Variants in SRGAP2 observed in about 807,000 individuals in gnomAD.
SRGAP2 encodes the protein SLIT-ROBO Rho GTPase activating protein 2.
Under a neutral mutation model 57.2 loss-of-function variants are expected in SRGAP2, and 15 were observed. The observed-to-expected ratio is 0.26, with a 90% CI of 0.18 to 0.40. SRGAP2 has a LOEUF of 0.40. SRGAP2 is among the 10% of genes least tolerant of loss of function. The pLI, the probability that SRGAP2 is intolerant of heterozygous loss-of-function variation, is 1.00. For synonymous variants in SRGAP2, 249 were observed against 248.0 expected (o/e 1.00, Z -0.04); for missense variants, 520 against 669.6 (o/e 0.78, Z 2.47).
At chr1:206,216,661 A>G (rs1207567099) in intron 2 of SRGAP2, among the ~76,000 whole-genome samples, 15 of 151,064 alleles carry the variant, frequency 9.9e-5, no homozygotes, top group East Asian at 9.7e-4. Flanking sequence ...GACCTTATTT[A>G]TACGTTGTGA....
intron 3 of SRGAP2, 117 bp downstream of exon 3, chr1:206,303,590 G>A (rs1178683670): frequency 3.0e-6 from 2 of 673,146 alleles, no homozygotes; most frequent in African/African-American, 1.8e-5. Flanking sequence ...CTTCAGATTG[G>A]TTGAAAGCCC....
At chr1:206,323,473 G>A (rs1273841333) in intron 3 of SRGAP2, among the ~76,000 whole-genome samples, 8 of 148,108 alleles carry the variant, frequency 5.4e-5, no homozygotes, top group African/African-American at 9.9e-5. Flanking sequence ...GCCATCTTAT[G>A]GATTGAGACC....
rs1657513888 is a variant in SRGAP2 at position 206,395,674 on chromosome 1, CCCTA to C, written c.831+2005_831+2008del. Among the ~76,000 whole-genome samples, 3 of 151,732 alleles carry C rather than the reference CCCTA, an allele frequency of 2.0e-5. No homozygotes were observed. In the South Asian group the frequency reaches 6.3e-4, roughly 32 times the overall value. On this transcript the variant is annotated intron_variant, in intron 7 of 22. Coordinates refer to ENST00000573034, the MANE Select transcript of SRGAP2 (RefSeq NM_015326.5). ...TCTTTTTTTGTACTCAAGGCAACTT[CCCTA>C]CCTTTTTCACCGAAATACTGATCTC...
intron 2 of SRGAP2, among the ~76,000 whole-genome samples, chr1:206,291,074 G>A (rs1159893567): frequency 3.3e-5 from 5 of 151,564 alleles, no homozygotes; most frequent in African/African-American, 1.2e-4. Context: ...TGAAGGTGAA[G>A]GAATTCGGGG....
intron 2 of SRGAP2, among the ~76,000 whole-genome samples, chr1:206,293,156 G>C (rs1671420985): frequency 6.6e-6 from 1 of 152,152 alleles, no homozygotes; most frequent in East Asian, 1.9e-4. Context: ...CTCTAAGAGA[G>C]TGGACATGTT....
intron 19 of SRGAP2, among the ~76,000 whole-genome samples, chr1:206,450,947 T>TA (rs371400613): frequency 6.3e-4 from 91 of 143,684 alleles, no homozygotes; most frequent in South Asian, 1.1e-3. Flanking sequence ...CCCTGTCTCT[T>TA]AAAAAAAAAA....
intron 2 of SRGAP2, among the ~76,000 whole-genome samples, chr1:206,236,325 A>G (rs1571638130): frequency 6.6e-6 from 1 of 152,248 alleles, no homozygotes; most frequent in Non-Finnish European, 1.5e-5. Flanking sequence ...ACCGAAATGT[A>G]TTAGACTGAC....
At chr1:206,402,517 G>T (rs1658286959) in intron 8 of SRGAP2, among the ~76,000 whole-genome samples, 2 of 152,278 alleles carry the variant, frequency 1.3e-5, no homozygotes, top group African/African-American at 4.8e-5. Context: ...GAAGGAGGTT[G>T]TATAGGGCTT....
chr1:206,450,285 G>A (rs1663148288), intron 18 of SRGAP2, 101 bp from the exon 19 acceptor site: 2 of 694,090 alleles, frequency 2.9e-6, no homozygotes, highest in African/African-American at 3.5e-5. Flanking sequence ...GAGAGCATAA[G>A]ATGGATTCAG....
intron 2 of SRGAP2, among the ~76,000 whole-genome samples, chr1:206,290,865 G>A (rs1396441081): frequency 1.3e-5 from 2 of 151,954 alleles, no homozygotes; most frequent in Non-Finnish European, 2.9e-5. Flanking sequence ...CTGGCATTTT[G>A]AGCCCAGGCA....
At chr1:206,357,677 G>A (rs1303562093) in intron 4 of SRGAP2, among the ~76,000 whole-genome samples, 2 of 146,908 alleles carry the variant, frequency 1.4e-5, no homozygotes, top group South Asian at 2.2e-4. Context: ...TCCGCCTCCC[G>A]GGTTCAAGTG....
In SRGAP2 at chr1:206,461,164, C is replaced by T. The variant is rs1553380504; in HGVS notation, c.2960C>T (p.Ala987Val). The T allele has an allele frequency of 1.3e-6, 1 of 780,560 alleles. No individual in the cohort carries two copies. 48.4% of individuals were successfully genotyped at this position (780,560 alleles called of 1,614,324 possible). ...CCCCTCAAAACCTCCCCAGTGGTGG[C>T]CCCCACGTCAGAGCCCTCCAGCCCT... is the stretch of plus-strand genomic sequence containing the variant. ...LEPLKTSPVV[A>V]PTSEPSSPLH... Residue 987 changes from alanine to valine, a missense_variant, in exon 23 of 23, where the codon GCC becomes GTC. Ala to Val is a moderately conservative substitution (Grantham distance 64). Coordinates refer to ENST00000573034, the MANE Select transcript of SRGAP2 (RefSeq NM_015326.5).
chr1:206,298,642 C>A, intron 2 of SRGAP2, among the ~76,000 whole-genome samples: 1 of 152,226 alleles, frequency 6.6e-6, no homozygotes, highest in Middle Eastern at 3.4e-3. Context: ...TGAATCTCTG[C>A]ATGAAATATC....
chr1:206,460,402 C>T (rs1331332203), intron 22 of SRGAP2, among the ~76,000 whole-genome samples: 3 of 152,146 alleles, frequency 2.0e-5, no homozygotes, highest in Admixed American at 2.0e-4. Context: ...GGCTCCCCTT[C>T]CTGGTCATTC....
chr1:206,443,453 C>A (rs1553372797), intron 17 of SRGAP2, among the ~76,000 whole-genome samples: 1 of 152,228 alleles, frequency 6.6e-6, no homozygotes, highest in Non-Finnish European at 1.5e-5. Context: ...CTGCTTACGG[C>A]AACCTCTGCC....
chr1:206,334,733 T>G (rs1470931860), intron 3 of SRGAP2, among the ~76,000 whole-genome samples: 4 of 152,070 alleles, frequency 2.6e-5, no homozygotes, highest in Admixed American at 2.6e-4. Flanking sequence ...TCATTCCACT[T>G]TGGCACAGAC....
At chr1:206,281,922 AAAC>A (rs1229159926) in intron 2 of SRGAP2, among the ~76,000 whole-genome samples, 4 of 151,886 alleles carry the variant, frequency 2.6e-5, no homozygotes, top group African/African-American at 2.4e-5. Context: ...ACAAAAAAAA[AAAC>A]AAAAAAAAAC....
intron 14 of SRGAP2, among the ~76,000 whole-genome samples, chr1:206,432,174 T>C (rs1178245443): frequency 1.3e-5 from 2 of 152,080 alleles, no homozygotes; most frequent in Non-Finnish European, 2.9e-5. Flanking sequence ...TAGACCAGGG[T>C]GTTAGCTGTG....
intron 5 of SRGAP2, among the ~76,000 whole-genome samples, chr1:206,386,171 T>A (rs1656227734): frequency 1.3e-5 from 2 of 152,184 alleles, no homozygotes; most frequent in Admixed American, 1.3e-4. Flanking sequence ...GGGGTGCTGC[T>A]AAAATCCTAC....
Sources: gnomAD v4.1 joint callset for allele counts (sites outside exome capture counted in the v4.1 genomes callset) on GRCh38, gnomAD v4.1.1 for gene constraint, MANE v1.5 for transcripts, NCBI Gene and HGNC (gene_info 2026-07-23, HGNC 2026-07-21) for gene names.